Variants in FHIT observed in about 807,000 individuals in gnomAD.
FHIT encodes fragile histidine triad diadenosine triphosphatase, also known as bis(5'-adenosyl)-triphosphatase.
FHIT carries 19 observed loss-of-function variants against 17.9 expected under a neutral mutation model. The ratio of observed to expected loss-of-function variants is 1.06; its 90% CI spans 0.74 to 1.56. The LOEUF is 1.56. Among genes scored for constraint, FHIT ranks in the 40% most tolerant of loss-of-function variants. The pLI, the probability that FHIT is intolerant of heterozygous loss-of-function variation, is 0.00. For synonymous variants in FHIT, 81 were observed against 69.7 expected (o/e 1.16, Z -0.81); for missense variants, 248 against 189.2 (o/e 1.31, Z -1.82).
At chr3:60,499,657 G>T (rs2034443895) in intron 5 of FHIT, among the ~76,000 whole-genome samples, 1 of 148,954 alleles carries the variant, frequency 6.7e-6, no homozygotes, top group Non-Finnish European at 1.5e-5. Flanking sequence ...GGGATTACAG[G>T]CATGAGCCAC....
intron 5 of FHIT, among the ~76,000 whole-genome samples, chr3:60,530,129 G>A (rs1366185911): frequency 6.6e-6 from 1 of 152,150 alleles, no homozygotes; most frequent in Non-Finnish European, 1.5e-5. Context: ...TAGTATGGAA[G>A]ACAGGTCAAG....
chr3:59,964,145 T>C lies in FHIT; in HGVS notation c.280-41731A>G, dbSNP rs1280877816. The stretch of plus-strand genomic sequence containing the variant: ...ATTTGGTTTTTATCTTTAATAACTT[T>C]AAATTTTTGGTTAATGTCTCTATAA... On this transcript the variant is annotated intron_variant, in intron 7 of 9. Transcript: ENST00000492590. Among the ~76,000 whole-genome samples, 4 of 152,222 alleles carry C rather than the reference T, an allele frequency of 2.6e-5. No homozygotes were observed. In the East Asian group the frequency reaches 7.7e-4, roughly 29 times the overall value.
In FHIT at chr3:60,431,979, T is replaced by G. The variant is rs376713481; in HGVS notation, c.103+104881A>C. Among the ~76,000 whole-genome samples, 178 of 152,180 alleles carry G rather than the reference T, an allele frequency of 1.2e-3. 3 individuals carry two copies. Among genetic ancestry groups the G allele is most frequent in the African/African-American group, 3.9e-3 (163 of 41,534 alleles). Reference sequence around the variant, plus strand: ...CAGTAGGGCTTTTATTTTTGTTTGCTTGGGTTTTTGTTCTGAGACAGGGTC... The same window carrying G: ...CAGTAGGGCTTTTATTTTTGTTTGCGTGGGTTTTTGTTCTGAGACAGGGTC... On this transcript the variant is annotated intron_variant, in intron 5 of 9. Transcript: ENST00000492590.
intron 8 of FHIT, among the ~76,000 whole-genome samples, chr3:59,865,186 A>G (rs946862551): frequency 7.2e-5 from 11 of 152,264 alleles, no homozygotes; most frequent in African/African-American, 2.7e-4. Context: ...GAGTTGGGTT[A>G]TCAAACTTAA....
At chr3:61,125,078 T>A (rs1484892099) in intron 2 of FHIT, among the ~76,000 whole-genome samples, 1 of 152,170 alleles carries the variant, frequency 6.6e-6, no homozygotes, top group Non-Finnish European at 1.5e-5. Context: ...AGTGTGAGGT[T>A]AATGTAGTAC....
At chr3:60,000,920 T>G (rs1195385746) in intron 7 of FHIT, among the ~76,000 whole-genome samples, 1 of 152,206 alleles carries the variant, frequency 6.6e-6, no homozygotes, top group Non-Finnish European at 1.5e-5. Context: ...TTTCCTAGAA[T>G]GTGCCAAGCT....
At chr3:60,194,887 T>G (rs1175620443) in intron 5 of FHIT, among the ~76,000 whole-genome samples, 1 of 152,062 alleles carries the variant, frequency 6.6e-6, no homozygotes, top group Non-Finnish European at 1.5e-5. Context: ...CAGTGAGGGC[T>G]GGGTGCGGTG....
intron 5 of FHIT, among the ~76,000 whole-genome samples, chr3:60,026,925 C>T (rs904838947): frequency 1.8e-4 from 27 of 152,092 alleles, no homozygotes; most frequent in African/African-American, 6.0e-4. Context: ...ATGGTGCAAT[C>T]CTGTCTCTAC....
At chr3:60,270,154 G>A (rs1271424050) in intron 5 of FHIT, among the ~76,000 whole-genome samples, 1 of 152,112 alleles carries the variant, frequency 6.6e-6, no homozygotes, top group Non-Finnish European at 1.5e-5. Flanking sequence ...GAGACTCAGT[G>A]GTCTAAGAGA....
At chr3:60,280,752 T>C (rs948958205) in intron 5 of FHIT, among the ~76,000 whole-genome samples, 2 of 152,156 alleles carry the variant, frequency 1.3e-5, no homozygotes, top group East Asian at 3.9e-4. Flanking sequence ...TAATTTGATA[T>C]AGCAAGCTAC....
intron 4 of FHIT, among the ~76,000 whole-genome samples, chr3:60,719,658 T>A (rs2041766151): frequency 6.6e-6 from 1 of 152,184 alleles, no homozygotes. Flanking sequence ...GAAAACCTAC[T>A]GAATCAGAAT....
intron 4 of FHIT, among the ~76,000 whole-genome samples, chr3:60,666,277 AG>A (rs1297783980): frequency 6.6e-6 from 1 of 152,166 alleles, no homozygotes; most frequent in Non-Finnish European, 1.5e-5. Flanking sequence ...CTTTAAGAGT[AG>A]GTCTGCTAGC....
At chr3:59,861,425 G>A (rs920192630) in intron 8 of FHIT, among the ~76,000 whole-genome samples, 13 of 152,166 alleles carry the variant, frequency 8.5e-5, no homozygotes, top group African/African-American at 3.1e-4. Context: ...TTTAAGGAAG[G>A]CAACACCTGA....
intron 4 of FHIT, among the ~76,000 whole-genome samples, chr3:60,708,574 C>T (rs540816320): frequency 6.6e-6 from 1 of 152,124 alleles, no homozygotes; most frequent in African/African-American, 2.4e-5. Context: ...AATTGGCAAA[C>T]CTTTTACCTC....
chr3:59,944,230 A>T (rs1028203785), intron 7 of FHIT, among the ~76,000 whole-genome samples: 5 of 152,150 alleles, frequency 3.3e-5, no homozygotes, highest in Non-Finnish European at 7.4e-5. Context: ...ACAATATCAA[A>T]CCCAGGACAC....
chr3:60,534,223 C>A (rs528249758), intron 5 of FHIT, among the ~76,000 whole-genome samples: 1 of 148,458 alleles, frequency 6.7e-6, no homozygotes, highest in African/African-American at 2.5e-5. Context: ...GTCAGGAGAT[C>A]GAGACCATCC....
chr3:61,009,301 T>G (rs1185128375), intron 3 of FHIT, among the ~76,000 whole-genome samples: 1 of 152,174 alleles, frequency 6.6e-6, no homozygotes, highest in African/African-American at 2.4e-5. Context: ...CTGGTTCTCT[T>G]TCTTTTGGGT....
intron 3 of FHIT, among the ~76,000 whole-genome samples, chr3:60,873,138 GGA>G (rs71287128): frequency 6.5e-4 from 95 of 146,850 alleles, no homozygotes; most frequent in African/African-American, 6.7e-4. Flanking sequence ...AGAGGGAGAG[GGA>G]GAGAGAGAGA....
chr3:60,121,709 A>AAC (rs57250663), intron 5 of FHIT, among the ~76,000 whole-genome samples: 3,038 of 116,366 alleles, frequency 0.026, 38 homozygotes, highest in Middle Eastern at 0.047. Context: ...AAACAAAACA[A>AAC]ACACACACAC....
Sources: gnomAD v4.1 joint callset for allele counts (sites outside exome capture counted in the v4.1 genomes callset) on GRCh38, gnomAD v4.1.1 for gene constraint, MANE v1.5 for transcripts, NCBI Gene and HGNC (gene_info 2026-07-23, HGNC 2026-07-21) for gene names.